Variants in SYN3 observed in about 807,000 individuals in gnomAD.
SYN3 encodes the protein synapsin-3.
Under a neutral mutation model 65.8 loss-of-function variants are expected in SYN3, and 35 were observed. The ratio of observed to expected loss-of-function variants is 0.53; its 90% confidence interval spans 0.41 to 0.70. SYN3 has a LOEUF of 0.70. Ranked by LOEUF, SYN3 falls within the 30% of genes least tolerant of loss-of-function variation. SYN3 has a pLI of 0.00. For missense variants in SYN3, 680 were observed against 749.0 expected (o/e 0.91, Z 1.08); for synonymous variants, 270 against 292.9 (o/e 0.92, Z 0.80).
At chr22:32,523,696 T>C (rs191553022) in intron 12 of SYN3, among the ~76,000 whole-genome samples, 1 of 152,292 alleles carries the variant, frequency 6.6e-6, no homozygotes, top group Admixed American at 6.5e-5. Context: ...CCTCTAAATA[T>C]TCAAGTGAAA....
At chr22:32,977,926 C>T (rs2052255457) in intron 3 of SYN3, among the ~76,000 whole-genome samples, 1 of 151,990 alleles carries the variant, frequency 6.6e-6, no homozygotes, top group African/African-American at 2.4e-5. Context: ...GCAAATCGTC[C>T]CACTCAAAAT....
intron 4 of SYN3, among the ~76,000 whole-genome samples, chr22:32,891,386 T>C (rs2049441724): frequency 6.6e-6 from 1 of 152,182 alleles, no homozygotes; most frequent in Admixed American, 6.5e-5. Flanking sequence ...TTTCTGATAC[T>C]TCCCATGGCT....
At chr22:32,678,017 TG>T (rs1468358985) in intron 6 of SYN3, among the ~76,000 whole-genome samples, 37 of 152,178 alleles carry the variant, frequency 2.4e-4, no homozygotes, top group African/African-American at 8.2e-4. Context: ...TGGAGTGTCA[TG>T]AGGAAGGTGA....
At chr22:32,841,953 G>A (rs1030796933) in intron 6 of SYN3, among the ~76,000 whole-genome samples, 1 of 152,318 alleles carries the variant, frequency 6.6e-6, no homozygotes, top group East Asian at 1.9e-4. Context: ...CAAGCTGGAA[G>A]AACATAGCAG....
chr22:33,027,653 A>G (rs112722789), intron 1 of SYN3, among the ~76,000 whole-genome samples: 117 of 135,106 alleles, frequency 8.7e-4, no homozygotes, highest in African/African-American at 2.8e-3. Flanking sequence ...GAGAGAGAGA[A>G]AGAAAAGAAA....
chr22:32,983,947 C>T (rs967338139), intron 2 of SYN3, among the ~76,000 whole-genome samples: 5 of 152,046 alleles, frequency 3.3e-5, no homozygotes, highest in Non-Finnish European at 5.9e-5. Flanking sequence ...ATCACGAGGT[C>T]AGGAGTTGGA....
At chr22:32,769,018 A>G (rs913886574) in intron 6 of SYN3, among the ~76,000 whole-genome samples, 1 of 152,110 alleles carries the variant, frequency 6.6e-6, no homozygotes, top group African/African-American at 2.4e-5. Flanking sequence ...CTTGTGCTCT[A>G]GGTATCACCC....
intron 3 of SYN3, among the ~76,000 whole-genome samples, chr22:32,953,113 C>T (rs2051340482): frequency 6.6e-6 from 1 of 152,188 alleles, no homozygotes; most frequent in African/African-American, 2.4e-5. Flanking sequence ...TGGGTATTAG[C>T]CTCCTCATAG....
At position 32,980,788 on chromosome 22, in the gene SYN3, G is replaced by C. The variant is rs79990965; in HGVS notation, c.312-86C>G. 6.6e-3 allele frequency: 7,813 copies of C among 1,188,736 alleles called. 49 individuals carry two copies. Among genetic ancestry groups the C allele is most frequent in the Middle Eastern group, 0.014 (74 of 5,186 alleles). 73.6% of individuals were successfully genotyped at this position (1,188,736 alleles called of 1,614,324 possible). A position where few individuals can be genotyped will look rare whatever the true frequency, so the allele number is the denominator to read the frequency against. ...CTCCCAAAGGCCTTACCCCAGAGGT[G>C]CATATTGAGACACATCCTCAGCCAT... On this transcript the variant is annotated intron_variant, in intron 2 of 13. Coordinates refer to ENST00000358763, the MANE Select transcript of SYN3 (RefSeq NM_003490.4).
chr22:33,026,830 T>C (rs2053647964), intron 1 of SYN3, among the ~76,000 whole-genome samples: 1 of 152,156 alleles, frequency 6.6e-6, no homozygotes, highest in Non-Finnish European at 1.5e-5. Flanking sequence ...CCAGAAAGCA[T>C]TGGTATCCTG....
intron 6 of SYN3, among the ~76,000 whole-genome samples, chr22:32,789,716 T>G (rs1478551016): frequency 6.6e-6 from 1 of 152,228 alleles, no homozygotes; most frequent in Non-Finnish European, 1.5e-5. Flanking sequence ...GAGGACCTAC[T>G]GGGTATCAGT....
At chr22:32,792,847 C>T (rs947881962) in intron 6 of SYN3, among the ~76,000 whole-genome samples, 3 of 152,172 alleles carry the variant, frequency 2.0e-5, no homozygotes, top group Non-Finnish European at 4.4e-5. Flanking sequence ...CCCCAATGAA[C>T]GTGTGGGCAC....
chr22:32,638,936 T>C (rs1012502758), intron 6 of SYN3, among the ~76,000 whole-genome samples: 5 of 152,160 alleles, frequency 3.3e-5, no homozygotes, highest in Non-Finnish European at 5.9e-5. Flanking sequence ...TCTAGGATCA[T>C]ATAGTTTGAG....
rs577716865 is a variant in SYN3, at chr22:32,645,446, C to T, written c.712-48710G>A. ...AGCCTGGGCAACAAGAGCGAAACTC[C>T]GTCTGAAAAAAAAAAAAAGCTAAGG... On this transcript the variant is annotated intron_variant, in intron 6 of 13. Coordinates refer to ENST00000358763, the MANE Select transcript of SYN3 (RefSeq NM_003490.4). Among the ~76,000 whole-genome samples the T allele has an allele frequency of 3.5e-3, 457 of 129,820 alleles. 5 individuals are homozygous for T. In the East Asian group the frequency reaches 0.04, roughly 11 times the overall value. The allele number at this position is 129,820 out of a possible 152,430, so 85.2% of individuals were successfully genotyped here.
intron 6 of SYN3, among the ~76,000 whole-genome samples, chr22:32,680,573 G>C (rs2060509523): frequency 6.6e-6 from 1 of 152,134 alleles, no homozygotes; most frequent in Non-Finnish European, 1.5e-5. Context: ...TGGTTTACCT[G>C]GTTTGCCCAA....
chr22:32,988,344 A>G lies in SYN3; in HGVS notation c.312-7642T>C, dbSNP rs2052597327. ...TAATAATAATAATAATAATAATAAT[A>G]ATAAAATAAATAGATAAAAAGAAAA... On this transcript the variant is annotated intron_variant, in intron 2 of 13. Transcript: ENST00000358763. Among the ~76,000 whole-genome samples, 2 of 147,006 alleles carry G rather than the reference A, an allele frequency of 1.4e-5. 1 individual carries two copies. Among genetic ancestry groups the G allele is most frequent in the South Asian group, 4.3e-4 (2 of 4,696 alleles).
At chr22:32,982,403 C>T (rs560436745) in intron 2 of SYN3, among the ~76,000 whole-genome samples, 1 of 152,182 alleles carries the variant, frequency 6.6e-6, no homozygotes, top group African/African-American at 2.4e-5. Flanking sequence ...TCCCCATCAT[C>T]AGTACATGAC....
At chr22:32,578,115 G>A (rs1169301814) in intron 7 of SYN3, among the ~76,000 whole-genome samples, 3 of 152,180 alleles carry the variant, frequency 2.0e-5, no homozygotes, top group Non-Finnish European at 2.9e-5. Flanking sequence ...TTCAATACAC[G>A]AATGAATGAA....
At chr22:32,633,683 T>G (rs1480525539) in intron 6 of SYN3, among the ~76,000 whole-genome samples, 13 of 152,168 alleles carry the variant, frequency 8.5e-5, no homozygotes, top group African/African-American at 3.1e-4. Flanking sequence ...AGTGCAGTGA[T>G]GTGATCACAG....
Sources: allele counts gnomAD v4.1 joint callset (sites outside exome capture counted in the v4.1 genomes callset), GRCh38; gene constraint gnomAD v4.1.1; transcripts MANE v1.5; gene names NCBI Gene and HGNC (gene_info 2026-07-23, HGNC 2026-07-21).